DNER: variants seen among roughly 807,000 people sequenced by gnomAD.
DNER encodes delta/notch like EGF repeat containing.
DNER carries 33 observed loss-of-function variants against 78.2 expected under a neutral mutation model. That is an observed-to-expected ratio of 0.42 (90% CI 0.32 to 0.56). The LOEUF is 0.56. Among genes scored for constraint, DNER ranks in the 20% least tolerant of loss-of-function variants. The pLI is 0.11. For synonymous variants in DNER, 417 were observed against 384.8 expected (o/e 1.08, Z -0.98); for missense variants, 918 against 975.3 (o/e 0.94, Z 0.78).
At chr2:229,705,874 A>G (rs908917720) in intron 1 of DNER, among the ~76,000 whole-genome samples, 3 of 151,940 alleles carry the variant, frequency 2.0e-5, no homozygotes, top group Non-Finnish European at 2.9e-5. Context: ...GCTCACCCAC[A>G]CCCCAAACCC....
chr2:229,425,371 C>A (rs532706199), intron 8 of DNER, among the ~76,000 whole-genome samples: 1 of 152,282 alleles, frequency 6.6e-6, no homozygotes, highest in South Asian at 2.1e-4. Context: ...TGGTTTCTAG[C>A]TAGTGCTCTT....
At chr2:229,539,618 A>C (rs191254707) in intron 5 of DNER, among the ~76,000 whole-genome samples, 78 of 152,292 alleles carry the variant, frequency 5.1e-4, no homozygotes, top group East Asian at 2.9e-3. Flanking sequence ...AGACAACTGG[A>C]TTCCTATCTT....
intron 4 of DNER, among the ~76,000 whole-genome samples, chr2:229,560,438 T>A (rs763558225): frequency 1.3e-5 from 2 of 152,102 alleles, no homozygotes; most frequent in Non-Finnish European, 2.9e-5. Flanking sequence ...CAGATAGGCA[T>A]GAAAGGTTTG....
At chr2:229,676,673 TACA>T (rs1322821631) in intron 1 of DNER, among the ~76,000 whole-genome samples, 1 of 152,142 alleles carries the variant, frequency 6.6e-6, no homozygotes, top group Non-Finnish European at 1.5e-5. Flanking sequence ...GCACAGTACC[TACA>T]GACATGTCTC....
chr2:229,645,819 G>A (rs1274445092), intron 1 of DNER, among the ~76,000 whole-genome samples: 1 of 152,194 alleles, frequency 6.6e-6, no homozygotes, highest in African/African-American at 2.4e-5. Context: ...GGAGCTGTCA[G>A]TCCTCACTCT....
At chr2:229,452,635 T>C (rs1360304847) in intron 7 of DNER, among the ~76,000 whole-genome samples, 1 of 152,174 alleles carries the variant, frequency 6.6e-6, no homozygotes, top group Non-Finnish European at 1.5e-5. Flanking sequence ...TTTATTTATT[T>C]ATTTATTTTT....
At chr2:229,661,340 A>G (rs1419374084) in intron 1 of DNER, among the ~76,000 whole-genome samples, 4 of 152,188 alleles carry the variant, frequency 2.6e-5, no homozygotes, top group African/African-American at 9.6e-5. Context: ...TACTCAGTAC[A>G]TGATTCATTG....
chr2:229,531,265 G>A (rs1271659729), intron 5 of DNER, among the ~76,000 whole-genome samples: 2 of 152,152 alleles, frequency 1.3e-5, no homozygotes, highest in Non-Finnish European at 1.5e-5. Flanking sequence ...TCAACTCAAC[G>A]AAGTGACGTG....
At chr2:229,439,069 T>C (rs138409124) in intron 8 of DNER, among the ~76,000 whole-genome samples, 3,007 of 152,286 alleles carry the variant, frequency 0.02, 38 homozygotes, top group Non-Finnish European at 0.028. Flanking sequence ...ATAAGGACTA[T>C]GGGGATTCAA....
chr2:229,407,378 T>C (rs1693412033), intron 9 of DNER, 33 bp from the exon 10 acceptor site: 2 of 1,588,934 alleles, frequency 1.3e-6, no homozygotes, highest in African/African-American at 1.3e-5. Flanking sequence ...GGATGACTCA[T>C]CCAGGACTCT....
chr2:229,619,150 TACACAC>T (rs67363480), intron 1 of DNER, among the ~76,000 whole-genome samples: 3,329 of 150,042 alleles, frequency 0.022, 47 homozygotes, highest in Middle Eastern at 0.035. Context: ...AAAAAATTTA[TACACAC>T]ACACACACAC....
intron 1 of DNER, among the ~76,000 whole-genome samples, chr2:229,607,136 T>G (rs1379191339): frequency 6.6e-6 from 1 of 152,214 alleles, no homozygotes; most frequent in Admixed American, 6.5e-5. Context: ...TGCATGAATA[T>G]ATATTTATGC....
At chr2:229,563,523 T>A (rs1249678495) in intron 4 of DNER, among the ~76,000 whole-genome samples, 1 of 135,366 alleles carries the variant, frequency 7.4e-6, no homozygotes, top group African/African-American at 2.9e-5. Context: ...CATCATCCCA[T>A]CACCATCATC....
intron 1 of DNER, among the ~76,000 whole-genome samples, chr2:229,657,876 TA>T (rs1698937450): frequency 6.6e-6 from 1 of 152,168 alleles, no homozygotes; most frequent in Non-Finnish European, 1.5e-5. Context: ...TGCAACTTCC[TA>T]AATTTCAGGG....
Position 229,377,516 on chromosome 2 carries a change from A to G in DNER, c.1856-10397T>C, listed in dbSNP as rs149294254. ...AAGGTGGTAAAAATGAATGGCAGAA[A>G]ATTAAAACTTCACTGATGTTCTGTT... On this transcript the variant is annotated intron_variant, in intron 11 of 12. Transcript: ENST00000341772. Among the ~76,000 whole-genome samples the G allele has an allele frequency of 2.2e-3, 339 of 152,356 alleles. 2 individuals carry two copies. Among genetic ancestry groups the G allele is most frequent in the African/African-American group, 7.8e-3 (325 of 41,588 alleles).
chr2:229,629,526 A>C (rs1483980204), intron 1 of DNER, among the ~76,000 whole-genome samples: 1 of 152,186 alleles, frequency 6.6e-6, no homozygotes, highest in East Asian at 1.9e-4. Flanking sequence ...CCAGGGTGCC[A>C]GTTTGAGTGA....
intron 6 of DNER, among the ~76,000 whole-genome samples, chr2:229,479,528 C>T (rs1301885194): frequency 1.3e-5 from 2 of 152,026 alleles, no homozygotes; most frequent in African/African-American, 4.8e-5. Flanking sequence ...GCCTGACCAG[C>T]ATGGCAAAAC....
At chr2:229,510,852 G>A (rs996173130) in intron 6 of DNER, among the ~76,000 whole-genome samples, 3 of 152,146 alleles carry the variant, frequency 2.0e-5, no homozygotes, top group African/African-American at 7.2e-5. Flanking sequence ...AAACTGACTT[G>A]GTATGATGTC....
chr2:229,360,558 G>T (rs943562839), intron 12 of DNER, among the ~76,000 whole-genome samples: 3 of 152,020 alleles, frequency 2.0e-5, no homozygotes, highest in African/African-American at 7.3e-5. Context: ...GACTACAGGC[G>T]CCCGCCACCA....
Sources: allele counts gnomAD v4.1 joint callset (sites outside exome capture counted in the v4.1 genomes callset), GRCh38; gene constraint gnomAD v4.1.1; transcripts MANE v1.5; gene names NCBI Gene and HGNC (gene_info 2026-07-23, HGNC 2026-07-21).